SLFN12L: variants seen among roughly 807,000 people sequenced by gnomAD.
SLFN12L encodes schlafen family member 12-like.
SLFN12L carries 34 observed loss-of-function variants against 34.8 expected under a neutral mutation model. The ratio of observed to expected loss-of-function variants is 0.98; its 90% CI spans 0.74 to 1.30. The LOEUF (loss-of-function observed/expected upper bound fraction) is 1.30. Ranked by LOEUF, SLFN12L falls within the 50% of genes most tolerant of loss-of-function variation. SLFN12L has a pLI of 0.00. For missense variants in SLFN12L, 703 were observed against 696.2 expected, an observed-to-expected ratio of 1.01 and a Z score of -0.11; for synonymous variants, 259 against 247.5, an observed-to-expected ratio of 1.05 and a Z score of -0.44.
chr17:35,488,582 G>A (rs1914702809), intron 2 of SLFN12L, among the ~76,000 whole-genome samples: 1 of 152,090 alleles, frequency 6.6e-6, no homozygotes, highest in Admixed American at 6.5e-5. Context: ...GAACTGTTGC[G>A]AGAACCCATA....
chr17:35,495,900 A>AACACACACAC (rs58553128), intron 2 of SLFN12L, among the ~76,000 whole-genome samples: 147 of 138,062 alleles, frequency 1.1e-3, no homozygotes, highest in African/African-American at 1.6e-3. Context: ...GCCGATTTGA[A>AACACACACAC]ACACACACAC....
In SLFN12L at chr17:35,522,354, A is replaced by G. The variant is rs779990638; in HGVS notation, c.11T>C (p.Ile4Thr). 8 of 1,614,158 alleles carry G rather than the reference A, an allele frequency of 5.0e-6. No homozygotes were observed. The Middle Eastern group carries it at 6.6e-4, about 133-fold the overall frequency. ...TGCCTCACAGTGAAACACATTCCTG[A>G]TCTTCTCCATGATCTTCATGGCCAT... The part of the protein sequence containing the change: MEK[I>T]RNVFHCEAHR... Residue 4 changes from isoleucine (I) to threonine (T), a missense_variant, in exon 2 of 5, where the codon ATC (isoleucine) becomes ACC (threonine). Transcript: ENST00000628453.
intron 2 of SLFN12L, among the ~76,000 whole-genome samples, chr17:35,518,101 A>G (rs1240981668): frequency 1.3e-5 from 2 of 152,222 alleles, no homozygotes; most frequent in Non-Finnish European, 2.9e-5. Context: ...ATCAGGGTGA[A>G]CAGGCAACCT....
chr17:35,501,115 G>A (rs1915280777), intron 2 of SLFN12L, among the ~76,000 whole-genome samples: 1 of 152,234 alleles, frequency 6.6e-6, no homozygotes, highest in Non-Finnish European at 1.5e-5. Context: ...AACAGACATG[G>A]TCTAGGCAGC....
At chr17:35,533,463 G>C (rs2072430319) in intron 1 of SLFN12L, among the ~76,000 whole-genome samples, 1 of 152,206 alleles carries the variant, frequency 6.6e-6, no homozygotes, top group South Asian at 2.1e-4. Context: ...ATGGACAAAA[G>C]TTTAGAATGT....
chr17:35,495,402 TAC>T (rs1384331148), intron 2 of SLFN12L, among the ~76,000 whole-genome samples: 2 of 152,194 alleles, frequency 1.3e-5, no homozygotes, highest in Non-Finnish European at 2.9e-5. Context: ...TTTAAATACG[TAC>T]AGTTTCATGT....
intron 1 of SLFN12L, among the ~76,000 whole-genome samples, chr17:35,530,371 A>G (rs1399657465): frequency 2.3e-4 from 1 of 4,336 alleles, no homozygotes; most frequent in Non-Finnish European, 5.3e-4. Context: ...GAAAGGAAGG[A>G]AGGAAGGAAG....
chr17:35,537,101 C>T (rs2072469474), intron 1 of SLFN12L, among the ~76,000 whole-genome samples: 1 of 152,048 alleles, frequency 6.6e-6, no homozygotes, highest in African/African-American at 2.4e-5. Context: ...ATCCTTTGAG[C>T]CCTGGAAGGT....
chr17:35,511,476 A>T (rs985350240), intron 2 of SLFN12L, among the ~76,000 whole-genome samples: 1 of 152,168 alleles, frequency 6.6e-6, no homozygotes, highest in Non-Finnish European at 1.5e-5. Flanking sequence ...TTGTCTGTTA[A>T]TAGAAAAGCA....
chr17:35,498,741 A>G (rs1915186893), intron 2 of SLFN12L: 1 of 1,321,116 alleles, frequency 7.6e-7, no homozygotes, highest in Non-Finnish European at 1.1e-6. Context: ...CAACTACCTT[A>G]TCCACTACCT....
chr17:35,498,926 T>G, intron 2 of SLFN12L: 1 of 720,804 alleles, frequency 1.4e-6, no homozygotes, highest in South Asian at 1.4e-5. Flanking sequence ...AGAACGATGC[T>G]GCCCTGGAGG....
rs1032165540 is a variant in SLFN12L at position 35,470,776 on chromosome 17, A to G, written c.*4147T>C. ...TACATGTGCCATGGTGGTTTGCTGC[A>G]CCTATTGACCCATCCTCTGAGTTCC... On this transcript the variant is annotated 3_prime_UTR_variant, in exon 5 of 5. Coordinates refer to ENST00000628453, the MANE Select transcript of SLFN12L (RefSeq NM_001363830.2). 1 of 151,186 alleles carries G rather than the reference A, an allele frequency of 6.6e-6. No individual in the cohort carries two copies. Among genetic ancestry groups the G allele is most frequent in the Non-Finnish European group, 1.5e-5 (1 of 68,000 alleles). 9.4% of individuals were successfully genotyped at this position (151,186 alleles called of 1,614,324 possible).
intron 2 of SLFN12L, among the ~76,000 whole-genome samples, chr17:35,492,522 G>C (rs890909812): frequency 6.6e-6 from 1 of 152,170 alleles, no homozygotes; most frequent in African/African-American, 2.4e-5. Context: ...TGGCAGGAAC[G>C]GGGAGCTCCC....
In SLFN12L at chr17:35,475,013, G is replaced by A. The variant is rs1183343912; in HGVS notation, c.1749C>T (p.Ile583=). 4 of 1,590,526 alleles carry A rather than the reference G, an allele frequency of 2.5e-6. No individual in the cohort carries two copies. In the African/African-American group the frequency reaches 5.4e-5, roughly 22 times the overall value. Residue 583 remains isoleucine (I), a synonymous_variant, in exon 5 of 5, where the codon ATC becomes ATT. Transcript: ENST00000628453. ...AAAAGATTTGATTCTCCTTAGGTAA[G>A]ATATTTGAAAGGGCCTTTTCCAAGT... is the stretch of plus-strand genomic sequence containing the variant. ...MKDLEKALSN[I]LPKENQIFLF...
At chr17:35,484,633 G>A (rs549600252) in intron 2 of SLFN12L, among the ~76,000 whole-genome samples, 2 of 152,290 alleles carry the variant, frequency 1.3e-5, no homozygotes, top group East Asian at 1.9e-4. Flanking sequence ...ACTTGTGGCT[G>A]TGGGGTTGTC....
Position 35,469,303 on chromosome 17 carries a change from A to ATAT in SLFN12L, c.*5619_*5620insATA, listed in dbSNP as rs1567635844. 1.3e-3 allele frequency among the ~76,000 whole-genome samples: 178 copies of ATAT among 135,784 alleles called. 1 individual carries two copies. Among genetic ancestry groups the ATAT allele is most frequent in the African/African-American group, 4.9e-3 (170 of 34,798 alleles). 89.1% of individuals were successfully genotyped at this position (135,784 alleles called of 152,430 possible). ...GTTTTATATAAAATATATATATATA[A>ATAT]AATATATATATATTATATATATAAA... On this transcript the variant is annotated 3_prime_UTR_variant, in exon 5 of 5. Coordinates refer to ENST00000628453, the MANE Select transcript of SLFN12L (RefSeq NM_001363830.2).
chr17:35,478,181 A>C lies in SLFN12L; in HGVS notation c.1170T>G (p.Cys390Trp), dbSNP rs979656514. The C allele has an allele frequency of 6.5e-7, 1 of 1,530,094 alleles. No homozygotes were observed. The highest frequency in any genetic ancestry group is 8.9e-7 in the Non-Finnish European group (1 of 1,129,580). 94.8% of individuals were successfully genotyped at this position (1,530,094 alleles called of 1,614,324 possible). A position where few individuals can be genotyped will look rare whatever the true frequency, so the allele number is the denominator to read the frequency against. The change falls in exon 4 of 5, where the codon TGT becomes TGG. Residue 390 changes from cysteine to tryptophan, a missense_variant. Physicochemically the swap from Cys to Trp is radical, Grantham distance 215 (BLOSUM62 -2). Coordinates refer to ENST00000628453, the MANE Select transcript of SLFN12L (RefSeq NM_001363830.2). ...IQFMVDSEPV[C>W]EELPSPASTS... ...TACTTGCTGGAGAGGGCAGTTCCTCACATACTATGGAATAATGTTAGAAAA... is the reference window on the plus strand; with the variant it reads ...TACTTGCTGGAGAGGGCAGTTCCTCCCATACTATGGAATAATGTTAGAAAA...
chr17:35,489,899 T>A, intron 2 of SLFN12L: 1 of 911,402 alleles, frequency 1.1e-6, no homozygotes, highest in East Asian at 2.5e-5. Flanking sequence ...ATTATGACAG[T>A]TTATACAGCA....
chr17:35,476,301 G>A (rs1349274880), intron 4 of SLFN12L, among the ~76,000 whole-genome samples: 1 of 152,044 alleles, frequency 6.6e-6, no homozygotes, highest in Non-Finnish European at 1.5e-5. Flanking sequence ...TAGAAACACA[G>A]AAGAAAATAT....
Sources: allele counts gnomAD v4.1 joint callset (sites outside exome capture counted in the v4.1 genomes callset), GRCh38; gene constraint gnomAD v4.1.1; transcripts MANE v1.5; gene names NCBI Gene and HGNC (gene_info 2026-07-23, HGNC 2026-07-21).